Variants in SLC4A8 observed in about 807,000 individuals in gnomAD.
SLC4A8 encodes solute carrier family 4 member 8.
SLC4A8 carries 40 observed loss-of-function variants against 125.0 expected under a neutral mutation model. The observed-to-expected ratio is 0.32, with a 90% CI of 0.25 to 0.42. The LOEUF (loss-of-function observed/expected upper bound fraction) is 0.42, where lower values mean the gene tolerates loss of function less well. Ranked by LOEUF, SLC4A8 falls within the 10% of genes least tolerant of loss-of-function variation. SLC4A8 has a pLI of 1.00. For missense variants in SLC4A8, 863 were observed against 1,355.1 expected (o/e 0.64, Z 5.70); for synonymous variants, 456 against 476.0 (o/e 0.96, Z 0.55).
chr12:51,405,576 T>G (rs60061083), intron 1 of SLC4A8, among the ~76,000 whole-genome samples: 31,122 of 152,110 alleles, frequency 0.2, 4,328 homozygotes, highest in African/African-American at 0.39. Context: ...TTCTTTTCTT[T>G]GTAGAGACAG....
At chr12:51,433,639 A>G (rs995157084) in intron 1 of SLC4A8, among the ~76,000 whole-genome samples, 1 of 152,188 alleles carries the variant, frequency 6.6e-6, no homozygotes, top group Admixed American at 6.5e-5. Flanking sequence ...TGATACTATC[A>G]GAGGAAATAA....
At chr12:51,500,316 A>G (rs1396671854) in intron 22 of SLC4A8, among the ~76,000 whole-genome samples, 1 of 152,220 alleles carries the variant, frequency 6.6e-6, no homozygotes, top group Non-Finnish European at 1.5e-5. Context: ...TAAATGAAAT[A>G]AAAGAAAAAA....
At chr12:51,437,541 T>C (rs1949459058) in intron 1 of SLC4A8, among the ~76,000 whole-genome samples, 2 of 152,264 alleles carry the variant, frequency 1.3e-5, no homozygotes, top group South Asian at 4.1e-4. Flanking sequence ...CTTGCCATAT[T>C]ATACACCAGC....
intron 1 of SLC4A8, among the ~76,000 whole-genome samples, chr12:51,409,051 G>T (rs913517411): frequency 4.0e-5 from 6 of 151,280 alleles, no homozygotes; most frequent in Admixed American, 4.0e-4. Context: ...TTTGAGACAG[G>T]ATCTCACTCT....
chr12:51,507,116 A>G lies in SLC4A8; in HGVS notation c.3270-310A>G, dbSNP rs564829025. ...ACTCCTGAGGCTGCTCCAAGGAGAA[A>G]CTGAAGTGCTCTGAAAAGTCACAGC... On this transcript the variant is annotated intron_variant, in intron 24 of 24. Transcript: ENST00000453097. Among the ~76,000 whole-genome samples the G allele has an allele frequency of 2.6e-5, 4 of 152,344 alleles. No individual in the cohort carries two copies. In the South Asian group the frequency reaches 8.3e-4, roughly 32 times the overall value.
At chr12:51,498,879 C>CA (rs1179044009) in intron 22 of SLC4A8, among the ~76,000 whole-genome samples, 15,266 of 35,778 alleles carry the variant, frequency 0.43, 3,729 homozygotes, top group Middle Eastern at 0.56. Flanking sequence ...GATCCTGTCT[C>CA]AAAAAAAAAA....
chr12:51,406,540 C>T (rs1948492836), intron 1 of SLC4A8, among the ~76,000 whole-genome samples: 2 of 152,114 alleles, frequency 1.3e-5, no homozygotes, highest in Admixed American at 1.3e-4. Flanking sequence ...TCACCTGCTG[C>T]TTCAGAAGGA....
At position 51,459,258 on chromosome 12, in the gene SLC4A8, C is replaced by G. The variant is rs1038189174; in HGVS notation, c.855+608C>G. 2.0e-5 allele frequency among the ~76,000 whole-genome samples: 3 copies of G among 152,186 alleles called. No individual in the cohort carries two copies. The East Asian group carries it at 5.8e-4, about 29-fold the overall frequency. ...CATTTTATTTGGAAAACCTGAAACC[C>G]CCGACAAAACATTTGAGTGTTTAAA... On this transcript the variant is annotated intron_variant, in intron 7 of 24. Transcript: ENST00000453097.
At chr12:51,494,761 C>T (rs1951417849) in intron 20 of SLC4A8, 184 bp from the exon 21 acceptor site, 1 of 477,082 alleles carries the variant, frequency 2.1e-6, no homozygotes, top group Non-Finnish European at 3.7e-6. Context: ...CAAATTTTGA[C>T]TTTGCCACTT....
intron 16 of SLC4A8, chr12:51,480,713 T>G (rs935785468): frequency 4.2e-6 from 3 of 712,552 alleles, no homozygotes; most frequent in South Asian, 6.4e-5. Flanking sequence ...GGAAAAAAAT[T>G]TACAGAAAAG....
chr12:51,435,622 A>C (rs1311478309), intron 1 of SLC4A8, among the ~76,000 whole-genome samples: 1 of 152,172 alleles, frequency 6.6e-6, no homozygotes, highest in Non-Finnish European at 1.5e-5. Flanking sequence ...TTTTAAAAAT[A>C]AATAAATAAA....
chr12:51,450,318 G>C (rs1949924219), intron 2 of SLC4A8, among the ~76,000 whole-genome samples: 1 of 152,004 alleles, frequency 6.6e-6, no homozygotes, highest in Admixed American at 6.6e-5. Context: ...CTTATTTACT[G>C]CTTATGAAAA....
intron 9 of SLC4A8, 117 bp from the exon 10 acceptor site, chr12:51,462,193 G>A (rs1950348095): frequency 7.4e-6 from 7 of 949,412 alleles, no homozygotes; most frequent in South Asian, 7.1e-5. Context: ...CTGCATCTCA[G>A]ATCCCCGTGA....
At chr12:51,417,375 CTTGCTCTG>C (rs1339448962) in intron 1 of SLC4A8, among the ~76,000 whole-genome samples, 1 of 151,114 alleles carries the variant, frequency 6.6e-6, no homozygotes, top group Admixed American at 6.6e-5. Context: ...GAGATGGAGT[CTTGCTCTG>C]TTGCCCAGGT....
At chr12:51,486,599 G>A (rs1190194707) in intron 17 of SLC4A8, among the ~76,000 whole-genome samples, 1 of 152,212 alleles carries the variant, frequency 6.6e-6, no homozygotes, top group Non-Finnish European at 1.5e-5. Context: ...GAAAAGCTGA[G>A]CTCAGTTCTA....
chr12:51,420,472 T>A (rs898401960), upstream of SLC4A8, among the ~76,000 whole-genome samples: 3 of 152,222 alleles, frequency 2.0e-5, no homozygotes, highest in Non-Finnish European at 2.9e-5. Flanking sequence ...AATCTCAATG[T>A]CTTTCAGGAT....
At chr12:51,498,097 A>C (rs993730026) in intron 22 of SLC4A8, among the ~76,000 whole-genome samples, 1 of 151,874 alleles carries the variant, frequency 6.6e-6, no homozygotes, top group African/African-American at 2.4e-5. Flanking sequence ...CTTGAACTTT[A>C]AAAATCTTGT....
intron 4 of SLC4A8, 54 bp downstream of exon 4, chr12:51,452,313 C>T (rs1226769758): frequency 1.3e-6 from 2 of 1,598,634 alleles, no homozygotes; most frequent in East Asian, 4.5e-5. Flanking sequence ...CAAGTGTGTA[C>T]CCTTCAGCAA....
chr12:51,409,863 A>T (rs1371284867), intron 1 of SLC4A8, among the ~76,000 whole-genome samples: 1 of 152,240 alleles, frequency 6.6e-6, no homozygotes, highest in African/African-American at 2.4e-5. Context: ...TCATTCTTCC[A>T]AAAAAACCAT....
Sources: allele counts gnomAD v4.1 joint callset (sites outside exome capture counted in the v4.1 genomes callset), GRCh38; gene constraint gnomAD v4.1.1; transcripts MANE v1.5; gene names NCBI Gene and HGNC (gene_info 2026-07-23, HGNC 2026-07-21).